The following FRMD1 variants were observed in gnomAD, a reference collection of about 807,000 sequenced individuals.
The protein encoded by FRMD1 is FERM domain-containing protein 1.
FRMD1 carries 51 observed loss-of-function variants against 54.9 expected under a neutral mutation model. That is an observed-to-expected ratio of 0.93 (90% CI 0.74 to 1.17). FRMD1 has a LOEUF of 1.17. Among genes scored for constraint, FRMD1 ranks in the 50% most tolerant of loss-of-function variants. The pLI is 0.00. For missense variants in FRMD1, 729 were observed against 743.0 expected, an observed-to-expected ratio of 0.98 and a Z score of 0.22; for synonymous variants, 324 against 306.4, an observed-to-expected ratio of 1.06 and a Z score of -0.60.
chr6:168,092,622 C>T (rs1583217383), intron 1 of FRMD1, among the ~76,000 whole-genome samples: 1 of 152,102 alleles, frequency 6.6e-6, no homozygotes, highest in Admixed American at 6.5e-5. Flanking sequence ...AAGAAGGTGC[C>T]GTCTGCAAGG....
intron 1 of FRMD1, among the ~76,000 whole-genome samples, chr6:168,076,403 A>G (rs529447481): frequency 5.9e-5 from 9 of 152,320 alleles, no homozygotes; most frequent in African/African-American, 1.9e-4. Flanking sequence ...TCCCCACCCA[A>G]ATCGCATCTT....
intron 4 of FRMD1, 88 bp downstream of exon 4, chr6:168,066,662 CAAATG>C: frequency 1.4e-6 from 2 of 1,469,672 alleles, no homozygotes; most frequent in Non-Finnish European, 1.8e-6. Context: ...TGGATAAACT[CAAATG>C]TAATGTGTGG....
At chr6:168,083,962 A>C (rs1800878374), upstream of FRMD1, among the ~76,000 whole-genome samples, 1 of 152,182 alleles carries the variant, frequency 6.6e-6, no homozygotes, top group Non-Finnish European at 1.5e-5. Flanking sequence ...AGGGTCTCCC[A>C]CACCTGGCCC....
At chr6:168,072,975 G>T (rs972007674) in intron 2 of FRMD1, among the ~76,000 whole-genome samples, 2 of 152,172 alleles carry the variant, frequency 1.3e-5, no homozygotes, top group Non-Finnish European at 2.9e-5. Flanking sequence ...GATGGCTCAG[G>T]TTCCCATGGG....
At chr6:168,081,340 C>A, upstream of FRMD1, 2 of 1,522,696 alleles carry the variant, frequency 1.3e-6, no homozygotes, top group Non-Finnish European at 1.8e-6. Flanking sequence ...ACACTGACCC[C>A]ACCTCTGAAT....
At chr6:168,058,892 C>A (rs941722702) in intron 10 of FRMD1, among the ~76,000 whole-genome samples, 1 of 152,168 alleles carries the variant, frequency 6.6e-6, no homozygotes, top group Admixed American at 6.5e-5. Context: ...CCCCTCCCTC[C>A]CCACAGTGAG....
In FRMD1 at chr6:168,056,924, C is replaced by G; in HGVS notation, c.*173G>C. 1 of 717,980 alleles carries G rather than the reference C, an allele frequency of 1.4e-6. No homozygotes were observed. The highest frequency in any genetic ancestry group is 2.1e-6 in the Non-Finnish European group (1 of 486,762). The allele number at this position is 717,980 out of a possible 1,614,324, so 44.5% of individuals were successfully genotyped here. A position where few individuals can be genotyped will look rare whatever the true frequency, so the allele number is the denominator to read the frequency against. Reference sequence around the variant, plus strand: ...AGGTGCGGGACCTGTTTGTTACCTCCCAGGTTGATGTCAGAGCCAGCTCCA... The same window carrying G: ...AGGTGCGGGACCTGTTTGTTACCTCGCAGGTTGATGTCAGAGCCAGCTCCA... On this transcript the variant is annotated 3_prime_UTR_variant, in exon 11 of 11. Transcript: ENST00000283309.
At chr6:168,085,219 A>T (rs188053713), upstream of FRMD1, among the ~76,000 whole-genome samples, 2 of 152,226 alleles carry the variant, frequency 1.3e-5, no homozygotes, top group Non-Finnish European at 2.9e-5. Flanking sequence ...AAAGGCCCCA[A>T]CCTGAGGGCC....
chr6:168,059,239 G>T lies in FRMD1; in HGVS notation c.1343-51C>A. ...CAGGTGTCTGGGTTCTGCCCGACAT[G>T]GCTCCTCCCCAGGGCAGTTCCCTGC... On this transcript the variant is annotated intron_variant, in intron 9 of 10. Transcript: ENST00000283309. The surrounding 1 kb of genome is among the most constrained non-coding windows in gnomAD (Gnocchi z 4.4). The T allele has an allele frequency of 6.7e-7, 1 of 1,486,348 alleles. No individual in the cohort carries two copies. Among genetic ancestry groups the T allele is most frequent in the Non-Finnish European group, 9.1e-7 (1 of 1,096,258 alleles). The allele number at this position is 1,486,348 out of a possible 1,614,324, so 92.1% of individuals were successfully genotyped here.
At chr6:168,065,333 T>C (rs2114978306) in intron 4 of FRMD1, 1 of 1,240,606 alleles carries the variant, frequency 8.1e-7, no homozygotes, top group Non-Finnish European at 1.0e-6. Context: ...CCAGTGAGCT[T>C]GGCCTTCACC....
At chr6:168,060,703 G>A (rs1799674332) in intron 9 of FRMD1, 58 bp downstream of exon 9, 1 of 1,538,062 alleles carries the variant, frequency 6.5e-7, no homozygotes, top group South Asian at 1.2e-5. Flanking sequence ...CAGCCAAGCT[G>A]GGGCTGGCTG....
At chr6:168,065,779 C>T in intron 4 of FRMD1, 1 of 996,202 alleles carries the variant, frequency 1.0e-6, no homozygotes, top group Non-Finnish European at 1.2e-6. Flanking sequence ...CCCCTCACCC[C>T]CTAGAACCTT....
intron 4 of FRMD1, chr6:168,065,872 C>T (rs1002030314): frequency 3.0e-6 from 3 of 1,000,222 alleles, no homozygotes; most frequent in African/African-American, 3.5e-5. Context: ...CTTAGGTTTT[C>T]CCCCAGGGTA....
At chr6:168,091,979 C>T (rs1370509047) in intron 1 of FRMD1, among the ~76,000 whole-genome samples, 1 of 152,254 alleles carries the variant, frequency 6.6e-6, no homozygotes, top group African/African-American at 2.4e-5. Context: ...ACAGGCCAGT[C>T]GGCCTCCCCG....
intron 4 of FRMD1, 128 bp downstream of exon 4, chr6:168,066,627 G>A (rs1800039049): frequency 6.9e-7 from 1 of 1,439,358 alleles, no homozygotes; most frequent in Non-Finnish European, 9.1e-7. Flanking sequence ...CGATATAGTG[G>A]GGTTGTTTGT....
At chr6:168,058,672 G>A (rs1479072862) in intron 10 of FRMD1, among the ~76,000 whole-genome samples, 3 of 152,176 alleles carry the variant, frequency 2.0e-5, no homozygotes, top group Non-Finnish European at 4.4e-5. Flanking sequence ...AGCTCCTCTG[G>A]GGGATCCTAA....
chr6:168,075,712 C>G, intron 1 of FRMD1: 1 of 1,507,984 alleles, frequency 6.6e-7, no homozygotes. Context: ...GCTTGGTTCC[C>G]CATGAGCGCG....
chr6:168,064,631 G>A (rs1375284316), intron 5 of FRMD1, among the ~76,000 whole-genome samples: 1 of 152,256 alleles, frequency 6.6e-6, no homozygotes, highest in Non-Finnish European at 1.5e-5. Context: ...TGCGTCAGGA[G>A]CACAGGCACC....
chr6:168,059,289 C>G lies in FRMD1; in HGVS notation c.1343-101G>C. 2 of 976,902 alleles carry G rather than the reference C, an allele frequency of 2.0e-6. No individual in the cohort carries two copies. Among genetic ancestry groups the G allele is most frequent in the Non-Finnish European group, 3.1e-6 (2 of 651,856 alleles). The allele number at this position is 976,902 out of a possible 1,614,324, so 60.5% of individuals were successfully genotyped here. A position where few individuals can be genotyped will look rare whatever the true frequency, so the allele number is the denominator to read the frequency against. Reference sequence around the variant, plus strand: ...CACTTCTGGGGCCCTGGTCTCGGACCGGCATCTCCTGAGGCTCACACCGCC... The same window carrying G: ...CACTTCTGGGGCCCTGGTCTCGGACGGGCATCTCCTGAGGCTCACACCGCC... On this transcript the variant is annotated intron_variant, in intron 9 of 10. Transcript: ENST00000283309. This position sits in a 1 kb window ranked among gnomAD's most constrained non-coding sequence, Gnocchi z 4.4.
Sources: allele counts gnomAD v4.1 joint callset (sites outside exome capture counted in the v4.1 genomes callset), GRCh38; gene constraint gnomAD v4.1.1; non-coding constraint Gnocchi (gnomAD v3.1); transcripts MANE v1.5; gene names NCBI Gene and HGNC (gene_info 2026-07-23, HGNC 2026-07-21).